The following SHC3 variants were observed in gnomAD, a reference collection of about 807,000 sequenced individuals.
SHC3 encodes the protein SHC adaptor protein 3, also known as SHC-transforming protein 3.
Under a neutral mutation model 60.4 loss-of-function variants are expected in SHC3, and 15 were observed. The ratio of observed to expected loss-of-function variants is 0.25; its 90% CI spans 0.17 to 0.38. The LOEUF is 0.38. Among genes scored for constraint, SHC3 ranks in the 10% least tolerant of loss-of-function variants. The pLI, the probability that SHC3 is intolerant of heterozygous loss-of-function variation, is 1.00. For missense variants in SHC3, 677 were observed against 786.1 expected, an observed-to-expected ratio of 0.86 and a Z score of 1.66; for synonymous variants, 294 against 325.9, an observed-to-expected ratio of 0.90 and a Z score of 1.05.
chr9:89,169,879 C>T (rs1826843714), intron 1 of SHC3, among the ~76,000 whole-genome samples: 1 of 152,120 alleles, frequency 6.6e-6, no homozygotes, highest in South Asian at 2.1e-4. Flanking sequence ...GGGTGGTTTA[C>T]AAGGCATGTT....
chr9:89,075,014 CTA>C, intron 4 of SHC3, 93 bp downstream of exon 4: 2 of 1,480,698 alleles, frequency 1.4e-6, no homozygotes, highest in Non-Finnish European at 1.8e-6. Flanking sequence ...ACAAAATATG[CTA>C]TGTGAGCTCA....
chr9:89,178,519 G>C lies in SHC3; in HGVS notation c.-59C>G. On this transcript the variant is annotated 5_prime_UTR_variant, in exon 1 of 12. Coordinates refer to ENST00000375835, the MANE Select transcript of SHC3 (RefSeq NM_016848.6). The surrounding 1 kb of genome is among the most constrained non-coding windows in gnomAD (Gnocchi z 6.9). ...GCTGCTGGTGCCGGCCCCGGCGCGGGCTGCCGCGCATAGCAGGCGAGCCAC... is the reference window on the plus strand; with the variant it reads ...GCTGCTGGTGCCGGCCCCGGCGCGGCCTGCCGCGCATAGCAGGCGAGCCAC... 1 of 1,394,350 alleles carries C rather than the reference G, an allele frequency of 7.2e-7. No homozygotes were observed. The highest frequency in any genetic ancestry group is 9.4e-7 in the Non-Finnish European group (1 of 1,065,408). 86.4% of individuals were successfully genotyped at this position (1,394,350 alleles called of 1,614,324 possible).
intron 11 of SHC3, among the ~76,000 whole-genome samples, chr9:89,019,062 GAA>G (rs1158735225): frequency 2.8e-5 from 3 of 108,618 alleles, no homozygotes; most frequent in African/African-American, 3.4e-5. Flanking sequence ...CTGTCTCAGA[GAA>G]AAAAAAAAAA....
At chr9:89,132,419 C>A (rs1347375320) in intron 1 of SHC3, among the ~76,000 whole-genome samples, 2 of 152,094 alleles carry the variant, frequency 1.3e-5, no homozygotes, top group Non-Finnish European at 2.9e-5. Context: ...CTTTAAAGTT[C>A]ATATGGAACC....
chr9:89,055,925 A>G (rs1462086417), intron 6 of SHC3, among the ~76,000 whole-genome samples: 1 of 152,258 alleles, frequency 6.6e-6, no homozygotes, highest in South Asian at 2.1e-4. Context: ...TCATAAAAAC[A>G]TCTTTTAAAA....
chr9:89,122,181 T>C (rs559429550), intron 1 of SHC3, among the ~76,000 whole-genome samples: 1 of 152,366 alleles, frequency 6.6e-6, no homozygotes, highest in African/African-American at 2.4e-5. Context: ...CAGACCATTA[T>C]TGGTGAAAAT....
intron 1 of SHC3, among the ~76,000 whole-genome samples, chr9:89,139,584 A>T (rs965973883): frequency 6.6e-6 from 1 of 152,158 alleles, no homozygotes; most frequent in African/African-American, 2.4e-5. Flanking sequence ...TTGAAATCCC[A>T]AGATAACTTG....
rs925250348 is a variant in SHC3 at position 89,013,548 on chromosome 9, T to C, written c.1684A>G (p.Ser562Gly). The C allele has an allele frequency of 5.0e-6, 8 of 1,613,976 alleles. No individual in the cohort carries two copies. The highest frequency in any genetic ancestry group is 1.1e-5 in the South Asian group (1 of 91,060). ...TIRTKDRVFD[S>G]ISHLINHHLE... is the part of the protein sequence containing the mutation. ...TGGTGGTTGATGAGGTGGCTGATAC[T>C]GTCAAAGACTCTGTCCTTTGTCCGG... Residue 562 changes from serine to glycine, a missense_variant, in exon 12 of 12, where the codon AGT becomes GGT. Coordinates refer to ENST00000375835, the MANE Select transcript of SHC3 (RefSeq NM_016848.6).
chr9:89,157,945 A>AT (rs1302511284), intron 1 of SHC3, among the ~76,000 whole-genome samples: 5 of 151,712 alleles, frequency 3.3e-5, no homozygotes, highest in Admixed American at 2.0e-4. Context: ...AATTTTATCA[A>AT]TTTTTTTCAA....
chr9:89,177,615 C>G (rs757064514), intron 1 of SHC3, among the ~76,000 whole-genome samples: 3 of 152,174 alleles, frequency 2.0e-5, no homozygotes, highest in Non-Finnish European at 4.4e-5. Flanking sequence ...CTGCCCAGCT[C>G]TCCCCAGCGC....
intron 7 of SHC3, among the ~76,000 whole-genome samples, chr9:89,050,821 T>C (rs1824850054): frequency 6.6e-6 from 1 of 152,148 alleles, no homozygotes; most frequent in South Asian, 2.1e-4. Flanking sequence ...GTCTCCTACC[T>C]ACATTTGGGT....
intron 8 of SHC3, 33 bp from the exon 9 acceptor site, chr9:89,045,866 A>C (rs1282476645): frequency 9.4e-6 from 15 of 1,604,036 alleles, no homozygotes; most frequent in Admixed American, 1.7e-5. Flanking sequence ...AGAATGAAAA[A>C]ATTATTTTCT....
chr9:89,057,154 C>A (rs1469281336), intron 6 of SHC3, among the ~76,000 whole-genome samples: 2 of 152,220 alleles, frequency 1.3e-5, no homozygotes, highest in African/African-American at 4.8e-5. Context: ...GCTGTCTTTT[C>A]ATCTTAGTGA....
At chr9:89,139,537 C>G (rs1218134106) in intron 1 of SHC3, among the ~76,000 whole-genome samples, 6 of 152,050 alleles carry the variant, frequency 3.9e-5, no homozygotes, top group Non-Finnish European at 8.8e-5. Context: ...AGGTTTGTAC[C>G]CTCAAATACC....
In SHC3 at chr9:89,065,603, CTA is replaced by C. The variant is rs1362869950; in HGVS notation, c.784-25_784-24del. ...GTCCTGTTAAAGAAAAAAGAGATGTCTATGTCACTAATCACAAGTGAGAGACC... is the reference window on the plus strand; with the variant it reads ...GTCCTGTTAAAGAAAAAAGAGATGTCTGTCACTAATCACAAGTGAGAGACC... On this transcript the variant is annotated intron_variant, in intron 5 of 11. Transcript: ENST00000375835. 4 of 1,613,356 alleles carry C rather than the reference CTA, an allele frequency of 2.5e-6. No homozygotes were observed. In the Admixed American group the frequency reaches 6.7e-5, roughly 27 times the overall value.
intron 10 of SHC3, among the ~76,000 whole-genome samples, chr9:89,040,269 A>G (rs1210834888): frequency 6.7e-6 from 1 of 149,354 alleles, no homozygotes; most frequent in Non-Finnish European, 1.5e-5. Flanking sequence ...CATCAGCAGC[A>G]GCACCATCAT....
chr9:89,070,390 A>T (rs7860624), intron 5 of SHC3, among the ~76,000 whole-genome samples: 100,079 of 151,930 alleles, frequency 0.66, 35,525 homozygotes, highest in East Asian at 0.98. Flanking sequence ...TCTGTGCCTC[A>T]CTCCTTTGTG....
Position 89,138,756 on chromosome 9 carries a change from G to A in SHC3, c.475-26130C>T, listed in dbSNP as rs1300675798. ...GAGAACCCTTAATCCTAAGGGTTGC[G>A]GAGGGATAAAGATCCATCTTCTGTA... On this transcript the variant is annotated intron_variant, in intron 1 of 11. Coordinates refer to ENST00000375835, the MANE Select transcript of SHC3 (RefSeq NM_016848.6). Among the ~76,000 whole-genome samples, 8 of 152,060 alleles carry A rather than the reference G, an allele frequency of 5.3e-5. No homozygotes were observed. The South Asian group carries it at 8.3e-4, about 16-fold the overall frequency.
chr9:89,120,585 A>G (rs1826078423), intron 1 of SHC3, among the ~76,000 whole-genome samples: 1 of 152,244 alleles, frequency 6.6e-6, no homozygotes, highest in Non-Finnish European at 1.5e-5. Flanking sequence ...GAGCAAATGT[A>G]CTTTGATGAA....
Sources: gnomAD v4.1 joint callset for allele counts (sites outside exome capture counted in the v4.1 genomes callset) on GRCh38, gnomAD v4.1.1 for gene constraint, Gnocchi (gnomAD v3.1) non-coding constraint, MANE v1.5 for transcripts, NCBI Gene and HGNC (gene_info 2026-07-23, HGNC 2026-07-21) for gene names.